The following PLA2R1 variants were observed in gnomAD, a reference collection of about 807,000 sequenced individuals.
PLA2R1 encodes the protein phospholipase A2 receptor 1.
Under a neutral mutation model 195.9 loss-of-function variants are expected in PLA2R1, and 158 were observed. The observed-to-expected ratio is 0.81, with a 90% CI of 0.71 to 0.92. The LOEUF is 0.92. Ranked by LOEUF, PLA2R1 falls within the 40% of genes least tolerant of loss-of-function variation. The pLI is 0.00. For missense variants in PLA2R1, 1,626 were observed against 1,764.6 expected, an observed-to-expected ratio of 0.92 and a Z score of 1.41; for synonymous variants, 586 against 598.2, an observed-to-expected ratio of 0.98 and a Z score of 0.30.
downstream of PLA2R1, among the ~76,000 whole-genome samples, chr2:159,929,260 A>T (rs1041064002): frequency 6.6e-6 from 1 of 152,230 alleles, no homozygotes; most frequent in Admixed American, 6.5e-5. Flanking sequence ...ACATCTGACA[A>T]AGGACTAACA....
chr2:159,976,729 T>C lies in PLA2R1; in HGVS notation c.2402-9A>G. The C allele has an allele frequency of 6.2e-7, 1 of 1,609,086 alleles. No homozygotes were observed. The highest frequency in any genetic ancestry group is 8.5e-7 in the Non-Finnish European group (1 of 1,175,520). On this transcript the variant is annotated splice_polypyrimidine_tract_variant and intron_variant, in intron 15 of 29. Coordinates refer to ENST00000283243, the MANE Select transcript of PLA2R1 (RefSeq NM_007366.5). ...AATCTTGGGTTTCACATCTGCAAAGTGAAAGCAAATCACTTTGACTGATCT... is the reference window on the plus strand; with the variant it reads ...AATCTTGGGTTTCACATCTGCAAAGCGAAAGCAAATCACTTTGACTGATCT...
chr2:159,938,725 T>A lies in PLA2R1; in HGVS notation c.*3053A>T, dbSNP rs1489102981. On this transcript the variant is annotated 3_prime_UTR_variant, in exon 30 of 30. Transcript: ENST00000283243. ...CATACATCCACAGTAAGTTGTCACC[T>A]TCTCCCCTCAACACTACCAGGACAC... 1 of 152,218 alleles carries A rather than the reference T, an allele frequency of 6.6e-6. No homozygotes were observed. Among genetic ancestry groups the A allele is most frequent in the African/African-American group, 2.4e-5 (1 of 41,432 alleles). The allele number at this position is 152,218 out of a possible 1,614,324, so 9.4% of individuals were successfully genotyped here. A position where few individuals can be genotyped will look rare whatever the true frequency, so the allele number is the denominator to read the frequency against.
chr2:159,976,623 A>C, intron 16 of PLA2R1, 62 bp downstream of exon 16: 1 of 1,025,998 alleles, frequency 9.7e-7, no homozygotes, highest in Non-Finnish European at 1.5e-6. Flanking sequence ...ATGGTATATA[A>C]TAGCACTTAT....
At chr2:160,047,107 C>A (rs1200855581) in intron 1 of PLA2R1, among the ~76,000 whole-genome samples, 3 of 152,154 alleles carry the variant, frequency 2.0e-5, no homozygotes, top group Non-Finnish European at 4.4e-5. Context: ...AGTTTATACA[C>A]CTCAGATAGG....
At chr2:159,995,772 G>A (rs896775936) in intron 11 of PLA2R1, among the ~76,000 whole-genome samples, 1 of 151,432 alleles carries the variant, frequency 6.6e-6, no homozygotes, top group Non-Finnish European at 1.5e-5. Context: ...GTAACAGAGA[G>A]TTTTAGGTTG....
rs139302426 is a variant in PLA2R1, at chr2:160,033,087, T to C, written c.713A>G (p.Asn238Ser). Reference protein sequence around the residue: ...GCDTIWEKDLNSHICYQFNLL... With the variant: ...GCDTIWEKDLSSHICYQFNLL... Reference sequence around the variant, plus strand: ...GTTGAACTGGTAGCAAATGTGTGAATTGAGGTCCTTCTCCCAAATAGTATC... The same window carrying C: ...GTTGAACTGGTAGCAAATGTGTGAACTGAGGTCCTTCTCCCAAATAGTATC... The change falls in exon 4 of 30, where the codon AAT becomes AGT. Residue 238 changes from asparagine to serine, a missense_variant. Physicochemically the swap from Asn to Ser is conservative, Grantham distance 46. Transcript: ENST00000283243. 420 of 1,613,348 alleles carry C rather than the reference T, an allele frequency of 2.6e-4. 1 individual carries two copies. The African/African-American group carries it at 4.7e-3, about 18-fold the overall frequency.
chr2:160,015,332 T>C (rs968034972), intron 9 of PLA2R1, among the ~76,000 whole-genome samples: 7 of 152,210 alleles, frequency 4.6e-5, no homozygotes, highest in Non-Finnish European at 8.8e-5. Flanking sequence ...GTTTAGAGAA[T>C]TGCATTGAAG....
At chr2:160,054,123 C>CA (rs1695391959) in intron 1 of PLA2R1, among the ~76,000 whole-genome samples, 1 of 152,168 alleles carries the variant, frequency 6.6e-6, no homozygotes, top group Non-Finnish European at 1.5e-5. Context: ...TTGGTTTTCC[C>CA]ATCTGCACAA....
rs2105450626 is a variant in PLA2R1 at position 160,016,795 on chromosome 2, G to A, written c.1453-83C>T. Reference sequence around the variant, plus strand: ...ATAGCAATTCTTATAAAAAAAATATGATGAATAATGTGCTCCCGCGTGGGA... The same window carrying A: ...ATAGCAATTCTTATAAAAAAAATATAATGAATAATGTGCTCCCGCGTGGGA... On this transcript the variant is annotated intron_variant, in intron 8 of 29. Transcript: ENST00000283243. 7.1e-6 allele frequency: 5 copies of A among 704,182 alleles called. No individual in the cohort carries two copies. The Middle Eastern group carries it at 1.0e-3, about 145-fold the overall frequency. 43.6% of individuals were successfully genotyped at this position (704,182 alleles called of 1,614,324 possible).
chr2:160,023,123 G>C (rs1377473686), intron 6 of PLA2R1, among the ~76,000 whole-genome samples: 1 of 152,126 alleles, frequency 6.6e-6, no homozygotes, highest in African/African-American at 2.4e-5. Flanking sequence ...AAGGAGAGGA[G>C]GGATGGCAGC....
At chr2:160,055,679 A>G (rs1344060846) in intron 1 of PLA2R1, among the ~76,000 whole-genome samples, 2 of 152,348 alleles carry the variant, frequency 1.3e-5, no homozygotes, top group South Asian at 2.1e-4. Flanking sequence ...CCCATGCTGC[A>G]AGCTCCTGTG....
intron 3 of PLA2R1, among the ~76,000 whole-genome samples, chr2:160,038,932 T>C (rs1310559089): frequency 6.6e-6 from 1 of 152,076 alleles, no homozygotes; most frequent in East Asian, 1.9e-4. Context: ...AGTGGCGCGA[T>C]CTTGGCTCAC....
In PLA2R1 at chr2:159,949,704, G is replaced by C; in HGVS notation, c.3613C>G (p.Leu1205Val). 1 of 1,613,804 alleles carries C rather than the reference G, an allele frequency of 6.2e-7. No individual in the cohort carries two copies. Among genetic ancestry groups the C allele is most frequent in the Admixed American group, 1.7e-5 (1 of 60,004 alleles). The change falls in exon 25 of 30, where the codon CTC (leucine) becomes GTC (valine). Residue 1205 changes from leucine (L) to valine (V), a missense_variant. Transcript: ENST00000283243. ...TCGGCAAAAACGCAGTCACCAAGGA[G>C]GGAGGACTCCTCATCTTTCCAAAAA... ...FTFWKDEESS[L>V]LGDCVFADSN... is the part of the protein sequence containing the mutation.
At chr2:160,061,335 A>G (rs751865689) in intron 1 of PLA2R1, among the ~76,000 whole-genome samples, 50 of 152,100 alleles carry the variant, frequency 3.3e-4, no homozygotes, top group Admixed American at 1.3e-3. Flanking sequence ...CTCTCTTTAC[A>G]CAACCTTCTG....
In PLA2R1 at chr2:160,039,890, A is replaced by G. The variant is rs532747945; in HGVS notation, c.667+2135T>C. 1.3e-4 allele frequency among the ~76,000 whole-genome samples: 19 copies of G among 151,938 alleles called. No individual in the cohort carries two copies. In the East Asian group the frequency reaches 3.7e-3, roughly 30 times the overall value. ...CCCAGGCTTCCACTGGGAAACTGTC[A>G]TTGGAAGTTTCCCAGTGGAAACTTC... On this transcript the variant is annotated intron_variant, in intron 3 of 29. Transcript: ENST00000283243.
rs945609516 is a variant in PLA2R1, at chr2:159,935,097, G to A, written c.*6681C>T. On this transcript the variant is annotated 3_prime_UTR_variant, in exon 30 of 30. Coordinates refer to ENST00000283243, the MANE Select transcript of PLA2R1 (RefSeq NM_007366.5). ...GATTGAGATTATGCATTTTGGGGAG[G>A]ATACCAAAGAAGTCATGTGCCCTTC... The A allele has an allele frequency of 6.6e-6, 1 of 152,164 alleles. No individual in the cohort carries two copies. The highest frequency in any genetic ancestry group is 2.4e-5 in the African/African-American group (1 of 41,440). 9.4% of individuals were successfully genotyped at this position (152,164 alleles called of 1,614,324 possible). A position where few individuals can be genotyped will look rare whatever the true frequency, so the allele number is the denominator to read the frequency against.
chr2:159,985,498 T>G (rs1158040188), intron 12 of PLA2R1, among the ~76,000 whole-genome samples: 1 of 152,226 alleles, frequency 6.6e-6, no homozygotes, highest in Non-Finnish European at 1.5e-5. Context: ...TTGTAGGAAC[T>G]AATTTAAATG....
chr2:159,983,459 T>C (rs1417714036), intron 13 of PLA2R1, among the ~76,000 whole-genome samples: 1 of 151,504 alleles, frequency 6.6e-6, no homozygotes, highest in African/African-American at 2.4e-5. Flanking sequence ...GACTCTTTTT[T>C]TTTTTTTTTC....
chr2:159,977,310 C>A lies in PLA2R1; in HGVS notation c.2375G>T (p.Arg792Leu). Residue 792 changes from arginine (R) to leucine (L), a missense_variant, in exon 15 of 30, where the codon CGT becomes CTT. Transcript: ENST00000283243. ...TLLPLHCGSKREWICKIPRDV... is the reference protein window; with the variant it reads ...TLLPLHCGSKLEWICKIPRDV... ...TCTTGGGATTTTGCATATCCATTCA[C>A]GTTTGGAACCACAGTGTAAGGGCAG... The A allele has an allele frequency of 2.5e-6, 4 of 1,612,544 alleles. No homozygotes were observed. Among genetic ancestry groups the A allele is most frequent in the Non-Finnish European group, 2.5e-6 (3 of 1,178,726 alleles).
Sources: allele counts gnomAD v4.1 joint callset (sites outside exome capture counted in the v4.1 genomes callset), GRCh38; gene constraint gnomAD v4.1.1; transcripts MANE v1.5; gene names NCBI Gene and HGNC (gene_info 2026-07-23, HGNC 2026-07-21).